Variants in CAST observed in about 807,000 individuals in gnomAD.
The protein encoded by CAST is calpastatin.
In CAST, 76 loss-of-function variants were observed where a neutral mutation model predicts 119.6. The ratio of observed to expected loss-of-function variants is 0.64; its 90% CI spans 0.53 to 0.77. CAST has a LOEUF of 0.77. CAST is among the 30% of genes least tolerant of loss of function. CAST has a pLI of 0.00. For missense variants in CAST, 953 were observed against 946.5 expected (o/e 1.01, Z -0.09); for synonymous variants, 319 against 331.6 (o/e 0.96, Z 0.41).
intron 1 of CAST, among the ~76,000 whole-genome samples, chr5:96,619,551 T>G (rs987446164): frequency 6.6e-6 from 1 of 152,246 alleles, no homozygotes; most frequent in Non-Finnish European, 1.5e-5. Context: ...CTTTGTTCTT[T>G]TGCTTTTTGC....
chr5:96,256,353 G>A, the CAST span, among the ~76,000 whole-genome samples: 1 of 134,158 alleles, frequency 7.5e-6, no homozygotes. Context: ...TAAATATACA[G>A]TATATAAATA....
At chr5:95,978,775 G>A in the CAST span, among the ~76,000 whole-genome samples, 1 of 151,968 alleles carries the variant, frequency 6.6e-6, no homozygotes, top group African/African-American at 2.4e-5. Context: ...GGAAATCATT[G>A]TCCTACAACA....
intron 1 of CAST, among the ~76,000 whole-genome samples, chr5:96,602,162 A>G (rs544176880): frequency 2.0e-5 from 3 of 152,378 alleles, no homozygotes; most frequent in Admixed American, 6.5e-5. Flanking sequence ...TCAAGACACC[A>G]TGGAAGAGCA....
At chr5:96,021,304 CA>C in the CAST span, among the ~76,000 whole-genome samples, 4 of 152,134 alleles carry the variant, frequency 2.6e-5, no homozygotes, top group Non-Finnish European at 4.4e-5. Flanking sequence ...TTTTCACACA[CA>C]AAAATTTTTT....
chr5:96,716,698 ATTAT>A (rs1757244676), intron 3 of CAST, among the ~76,000 whole-genome samples: 1 of 152,208 alleles, frequency 6.6e-6, no homozygotes, highest in African/African-American at 2.4e-5. Context: ...CTCAGGTCAA[ATTAT>A]TTGTTTTTCT....
chr5:96,649,145 C>T (rs963085866), intron 1 of CAST, among the ~76,000 whole-genome samples: 1 of 152,158 alleles, frequency 6.6e-6, no homozygotes, highest in Non-Finnish European at 1.5e-5. Context: ...CAATCTTATA[C>T]AATTGCCAAA....
At chr5:96,606,398 G>A (rs1384755310) in intron 1 of CAST, among the ~76,000 whole-genome samples, 1 of 152,202 alleles carries the variant, frequency 6.6e-6, no homozygotes, top group African/African-American at 2.4e-5. Context: ...ACTTGATGGA[G>A]TGATCCTGAG....
intron 9 of CAST, among the ~76,000 whole-genome samples, chr5:96,732,259 A>G (rs1204640884): frequency 1.5e-5 from 2 of 137,864 alleles, no homozygotes; most frequent in East Asian, 4.1e-4. Flanking sequence ...GCCAGTGATG[A>G]TGAGCATTTT....
the CAST span, among the ~76,000 whole-genome samples, chr5:96,257,113 A>T: frequency 6.6e-6 from 1 of 152,188 alleles, no homozygotes; most frequent in Non-Finnish European, 1.5e-5. Flanking sequence ...AATTGGGTGG[A>T]TCTTTACTGC....
chr5:96,632,757 A>G (rs1747838569), intron 1 of CAST, among the ~76,000 whole-genome samples: 1 of 151,968 alleles, frequency 6.6e-6, no homozygotes, highest in East Asian at 1.9e-4. Context: ...CATGTGGTTT[A>G]TGTGTGGACT....
the CAST span, among the ~76,000 whole-genome samples, chr5:96,494,452 C>T: frequency 2.0e-5 from 3 of 152,274 alleles, no homozygotes; most frequent in East Asian, 1.9e-4. Flanking sequence ...CTGAGGAACA[C>T]CATTGGCTTT....
At chr5:96,277,917 G>C in the CAST span, among the ~76,000 whole-genome samples, 1 of 152,104 alleles carries the variant, frequency 6.6e-6, no homozygotes, top group African/African-American at 2.4e-5. Flanking sequence ...GTGTGGTGGT[G>C]GTGGGCAGGT....
chr5:96,319,458 G>T, the CAST span, among the ~76,000 whole-genome samples: 1 of 152,242 alleles, frequency 6.6e-6, no homozygotes, highest in East Asian at 1.9e-4. Context: ...TGAACCCAGG[G>T]ATTTGAACCC....
the CAST span, among the ~76,000 whole-genome samples, chr5:96,442,544 G>A: frequency 6.6e-6 from 1 of 152,226 alleles, no homozygotes; most frequent in African/African-American, 2.4e-5. Context: ...GAGTTAAATG[G>A]ACAGTATCCC....
intron 9 of CAST, among the ~76,000 whole-genome samples, chr5:96,731,769 T>C (rs1200068326): frequency 1.3e-5 from 2 of 150,428 alleles, no homozygotes; most frequent in Admixed American, 6.6e-5. Context: ...TTTTCGTTCT[T>C]GCGATAGTTT....
chr5:96,049,545 A>C, the CAST span, among the ~76,000 whole-genome samples: 2 of 152,222 alleles, frequency 1.3e-5, no homozygotes, highest in African/African-American at 4.8e-5. Context: ...TCAGGGAGGC[A>C]GGGTGAGGGA....
intron 1 of CAST, among the ~76,000 whole-genome samples, chr5:96,577,762 T>C (rs757232790): frequency 6.6e-6 from 1 of 152,196 alleles, no homozygotes; most frequent in East Asian, 1.9e-4. Flanking sequence ...TTCTTTCAAA[T>C]TTGTTGGTGT....
At chr5:96,375,586 G>T in the CAST span, among the ~76,000 whole-genome samples, 1 of 152,004 alleles carries the variant, frequency 6.6e-6, no homozygotes, top group African/African-American at 2.4e-5. Context: ...AGGCTATATA[G>T]TTCCTAAAGT....
chr5:96,581,158 G>C (rs1056265976), intron 1 of CAST, among the ~76,000 whole-genome samples: 1 of 152,160 alleles, frequency 6.6e-6, no homozygotes, highest in Non-Finnish European at 1.5e-5. Flanking sequence ...ACAGTAGAAA[G>C]GTCAACCTTT....
Sources: allele counts gnomAD v4.1 joint callset (sites outside exome capture counted in the v4.1 genomes callset), GRCh38; gene constraint gnomAD v4.1.1; transcripts MANE v1.5; gene names NCBI Gene and HGNC (gene_info 2026-07-23, HGNC 2026-07-21).